SLC22A8: variants seen among roughly 807,000 people sequenced by gnomAD.
The protein encoded by SLC22A8 is solute carrier family 22 member 8.
Under a neutral mutation model 48.4 loss-of-function variants are expected in SLC22A8, and 40 were observed. The observed-to-expected ratio is 0.83, with a 90% CI of 0.64 to 1.08. The LOEUF (loss-of-function observed/expected upper bound fraction) is 1.08, where lower values mean the gene tolerates loss of function less well. SLC22A8 is among the 50% of genes least tolerant of loss of function. The pLI, the probability that SLC22A8 is intolerant of heterozygous loss-of-function variation, is 0.00. For synonymous variants in SLC22A8, 268 were observed against 286.3 expected, an observed-to-expected ratio of 0.94 and a Z score of 0.65; for missense variants, 606 against 699.0, an observed-to-expected ratio of 0.87 and a Z score of 1.50.
intron 2 of SLC22A8, among the ~76,000 whole-genome samples, chr11:63,013,540 T>C (rs1022579645): frequency 3.3e-5 from 5 of 152,236 alleles, no homozygotes; most frequent in African/African-American, 9.6e-5. Context: ...AGACGCCACC[T>C]CCTCCATGAA....
Position 62,999,698 on chromosome 11 carries a change from G to T in SLC22A8, c.582C>A (p.Thr194=). Residue 194 remains threonine (T), a synonymous_variant, in exon 4 of 11, where the codon ACC becomes ACA. Coordinates refer to ENST00000336232, the MANE Select transcript of SLC22A8 (RefSeq NM_004254.4). ...CCCACTGCAGCTCACTCAAGATGAC[G>T]GTGCTCAGGGTAATGCCTGAGATGC... ...GFGISGITLS[T]VILNVEWVPT... 2 of 1,572,496 alleles carry T rather than the reference G, an allele frequency of 1.3e-6. No homozygotes were observed. The highest frequency in any genetic ancestry group is 1.7e-6 in the Non-Finnish European group (2 of 1,158,286).
At chr11:63,007,838 C>T (rs2086573560) in intron 2 of SLC22A8, among the ~76,000 whole-genome samples, 1 of 152,194 alleles carries the variant, frequency 6.6e-6, no homozygotes, top group Non-Finnish European at 1.5e-5. Flanking sequence ...AAAGTAGGTA[C>T]TATTGTTATC....
chr11:62,992,836 C>T lies in SLC22A8; in HGVS notation c.*401G>A, dbSNP rs150516490. On this transcript the variant is annotated 3_prime_UTR_variant, in exon 11 of 11. Coordinates refer to ENST00000336232, the MANE Select transcript of SLC22A8 (RefSeq NM_004254.4). Reference sequence around the variant, plus strand: ...TGAACATCATGGCTAGAGTTCTTATCGCTGTTTATTGAAACCTCCCATCAA... The same window carrying T: ...TGAACATCATGGCTAGAGTTCTTATTGCTGTTTATTGAAACCTCCCATCAA... 19 of 203,128 alleles carry T rather than the reference C, an allele frequency of 9.4e-5. No individual in the cohort carries two copies. The highest frequency in any genetic ancestry group is 4.2e-4 in the Admixed American group (8 of 18,838). The allele number at this position is 203,128 out of a possible 1,614,324, so 12.6% of individuals were successfully genotyped here.
chr11:62,994,012 C>T, intron 8 of SLC22A8, 134 bp from the exon 9 acceptor site: 4 of 664,116 alleles, frequency 6.0e-6, no homozygotes, highest in Non-Finnish European at 1.1e-5. Flanking sequence ...CTGAGTAATG[C>T]TTTGCATGCC....
intron 2 of SLC22A8, among the ~76,000 whole-genome samples, chr11:63,001,507 G>T (rs1443380466): frequency 6.6e-6 from 1 of 152,180 alleles, no homozygotes; most frequent in East Asian, 1.9e-4. Flanking sequence ...ACAATGGAAC[G>T]TCCCTAATCC....
chr11:63,015,008 A>G (rs181488394), intron 1 of SLC22A8, 25 bp from the exon 2 acceptor site: 13 of 1,489,556 alleles, frequency 8.7e-6, no homozygotes, highest in Non-Finnish European at 1.1e-5. Flanking sequence ...TAGGCCAGGG[A>G]GAGGTATATT....
At chr11:62,999,214 G>GC in intron 4 of SLC22A8, 125 bp from the exon 5 acceptor site, 1 of 795,010 alleles carries the variant, frequency 1.3e-6, no homozygotes, top group Admixed American at 2.3e-5. Context: ...TGTTGATATC[G>GC]CCCTCCGTTG....
At chr11:63,009,606 T>C (rs2086595174) in intron 2 of SLC22A8, among the ~76,000 whole-genome samples, 1 of 152,154 alleles carries the variant, frequency 6.6e-6, no homozygotes. Flanking sequence ...TTAAAGGCCT[T>C]TGTTTCCTCT....
At position 63,000,830 on chromosome 11, in the gene SLC22A8, A is replaced by G; in HGVS notation, c.334-7T>C. The G allele has an allele frequency of 6.2e-7, 1 of 1,608,360 alleles. No homozygotes were observed. The highest frequency in any genetic ancestry group is 1.1e-5 in the South Asian group (1 of 90,932). ...AGTTGCACACCAAGTCCCACTGCAC[A>G]AGAGAAAGGTAGGGCTAGCCTAACT... On this transcript the variant is annotated splice_region_variant and splice_polypyrimidine_tract_variant and intron_variant, in intron 2 of 10. Coordinates refer to ENST00000336232, the MANE Select transcript of SLC22A8 (RefSeq NM_004254.4).
chr11:63,014,460 G>T (rs1343980622), intron 2 of SLC22A8, 166 bp downstream of exon 2: 5 of 577,828 alleles, frequency 8.7e-6, no homozygotes, highest in Non-Finnish European at 1.5e-5. Flanking sequence ...GAAGCCAAGG[G>T]TCTTGGTGCA....
At chr11:62,993,693 G>A (rs1007963541) in intron 9 of SLC22A8, 66 bp from the exon 10 acceptor site, 6 of 1,595,934 alleles carry the variant, frequency 3.8e-6, no homozygotes, top group African/African-American at 1.3e-5. Context: ...GCTCCCCTGG[G>A]TAGAGGACAG....
chr11:63,014,685 T>A lies in SLC22A8; in HGVS notation c.274A>T (p.Met92Leu), dbSNP rs2086654594. The change falls in exon 2 of 11, where the codon ATG (methionine) becomes TTG (leucine). Residue 92 changes from methionine (M) to leucine (L), a missense_variant. Met to Leu is a conservative substitution (Grantham distance 15). Coordinates refer to ENST00000336232, the MANE Select transcript of SLC22A8 (RefSeq NM_004254.4). The stretch of plus-strand genomic sequence containing the variant: ...ACCCAGCCATCCAGGCATGGCTCCA[T>A]GGCCCTCTGGGTGTCATTGGGCAGG... The part of the protein sequence containing the change: ...ASLPNDTQRA[M>L]EPCLDGWVYN... 6.2e-7 allele frequency: 1 copy of A among 1,613,428 alleles called. No individual in the cohort carries two copies. The highest frequency in any genetic ancestry group is 2.2e-5 in the East Asian group (1 of 44,860).
intron 6 of SLC22A8, 27 bp from the exon 7 acceptor site, chr11:62,995,846 C>T (rs773818004): frequency 1.3e-6 from 2 of 1,558,618 alleles, no homozygotes; most frequent in African/African-American, 1.4e-5. Context: ...GGGAGGGGTG[C>T]CATTAATGAC....
intron 2 of SLC22A8, among the ~76,000 whole-genome samples, chr11:63,003,174 C>T (rs2135131672): frequency 6.6e-6 from 1 of 152,378 alleles, no homozygotes; most frequent in East Asian, 1.9e-4. Flanking sequence ...TAATCCCCAA[C>T]ATGCACCCTT....
chr11:63,008,411 A>G (rs962700399), intron 2 of SLC22A8, among the ~76,000 whole-genome samples: 1 of 152,212 alleles, frequency 6.6e-6, no homozygotes, highest in South Asian at 2.1e-4. Flanking sequence ...CCCTAGAGGA[A>G]CCTGTGCTGG....
chr11:62,993,631 C>T lies in SLC22A8; in HGVS notation c.1326-4G>A, dbSNP rs767079100. On this transcript the variant is annotated splice_region_variant and splice_polypyrimidine_tract_variant and intron_variant, in intron 9 of 10. Transcript: ENST00000336232. Reference sequence around the variant, plus strand: ...ACTTACGCCCATACCTGTTTGCCTGCGAGGGTTCAGAGTAGGGATTGGTAG... The same window carrying T: ...ACTTACGCCCATACCTGTTTGCCTGTGAGGGTTCAGAGTAGGGATTGGTAG... 1.7e-5 allele frequency: 28 copies of T among 1,604,712 alleles called. No homozygotes were observed. Among genetic ancestry groups the T allele is most frequent in the African/African-American group, 6.7e-5 (5 of 74,752 alleles).
intron 2 of SLC22A8, among the ~76,000 whole-genome samples, chr11:63,007,105 T>C (rs1297582301): frequency 6.6e-6 from 1 of 152,188 alleles, no homozygotes; most frequent in Non-Finnish European, 1.5e-5. Context: ...GTGACTTGTG[T>C]TTCCCTGGAC....
rs1413997387 is a variant in SLC22A8, at chr11:62,993,443, T to C, written c.1510A>G (p.Ile504Val). The part of the protein sequence containing the change: ...ETLNQPLPET[I>V]EDLENWSLRA... The stretch of plus-strand genomic sequence containing the variant: ...ACTGACCAGTTTTCCAGGTCTTCGA[T>C]AGTCTCTGGCAAGGGCTGATTCAGG... Residue 504 changes from isoleucine (I) to valine (V), a missense_variant, in exon 10 of 11, where the codon ATC becomes GTC. Ile to Val is a conservative substitution (Grantham distance 29, BLOSUM62 3). Transcript: ENST00000336232. 1.9e-6 allele frequency: 3 copies of C among 1,614,008 alleles called. No individual in the cohort carries two copies. Among genetic ancestry groups the C allele is most frequent in the Non-Finnish European group, 1.7e-6 (2 of 1,180,006 alleles).
intron 6 of SLC22A8, 41 bp downstream of exon 6, chr11:62,995,988 C>T (rs771575147): frequency 5.6e-6 from 9 of 1,613,660 alleles, no homozygotes; most frequent in Non-Finnish European, 7.6e-6. Flanking sequence ...AAGAGTGGAG[C>T]ACAGGGGTTC....
Sources: allele counts gnomAD v4.1 joint callset (sites outside exome capture counted in the v4.1 genomes callset), GRCh38; gene constraint gnomAD v4.1.1; transcripts MANE v1.5; gene names NCBI Gene and HGNC (gene_info 2026-07-23, HGNC 2026-07-21).